Variants in DIAPH2 observed in about 807,000 individuals in gnomAD.
The protein encoded by DIAPH2 is protein diaphanous homolog 2.
DIAPH2 carries 35 observed loss-of-function variants against 92.7 expected under a neutral mutation model. The observed-to-expected ratio is 0.38, with a 90% CI of 0.29 to 0.50. The LOEUF (loss-of-function observed/expected upper bound fraction) is 0.50, where lower values mean the gene tolerates loss of function less well. Ranked by LOEUF, DIAPH2 falls within the 20% of genes least tolerant of loss-of-function variation. The probability of loss-of-function intolerance (pLI) is 0.94; values close to 1 mark genes in which losing one functional copy is unlikely to be tolerated. For missense variants in DIAPH2, 701 were observed against 819.5 expected, an observed-to-expected ratio of 0.86 and a Z score of 1.77; for synonymous variants, 301 against 280.4, an observed-to-expected ratio of 1.07 and a Z score of -0.73.
chrX:96,962,420 C>T lies in DIAPH2; in HGVS notation c.1936-2673C>T, dbSNP rs375316296. ...ATATATATACACATATATATATACA[C>T]ATATATATACATATATATATACATA... On this transcript the variant is annotated intron_variant, in intron 16 of 26. Coordinates refer to ENST00000324765, the MANE Select transcript of DIAPH2 (RefSeq NM_006729.5). Among the ~76,000 whole-genome samples, 486 of 60,065 alleles carry T rather than the reference C, an allele frequency of 8.1e-3. 26 individuals are homozygous for T. Among genetic ancestry groups the T allele is most frequent in the African/African-American group, 0.035 (439 of 12,678 alleles). The allele number at this position is 60,065 out of a possible 115,157, so 52.2% of individuals were successfully genotyped here.
Position 96,738,612 on chromosome X carries a change from A to G in DIAPH2, c.192A>G (p.Lys64=). 8.3e-7 allele frequency: 1 copy of G among 1,201,237 alleles called. No homozygotes were observed. The highest frequency in any genetic ancestry group is 1.1e-6 in the Non-Finnish European group (1 of 891,943). The change falls in exon 3 of 27, where the codon AAA becomes AAG. Residue 64 remains lysine, a synonymous_variant. Transcript: ENST00000324765. The part of the protein sequence containing the change: ...DVRDRITSFR[K]STVKKEKPLI... ...GTGACCGAATTACAAGTTTTAGAAA[A>G]TCTACTGTCAAAAAAGAAAAACCTC...
chrX:97,390,715 C>A (rs1464022036), intron 25 of DIAPH2, among the ~76,000 whole-genome samples: 1 of 110,964 alleles, frequency 9.0e-6, no homozygotes. Context: ...ATTTTCATTT[C>A]TTTCTCTCCT....
intron 17 of DIAPH2, among the ~76,000 whole-genome samples, chrX:97,060,856 T>G (rs1397057336): frequency 8.9e-6 from 1 of 112,284 alleles, no homozygotes; most frequent in Non-Finnish European, 1.9e-5. Context: ...TCCAACAATT[T>G]TTTTTTTAAG....
At chrX:96,813,419 C>G (rs1317252335) in intron 4 of DIAPH2, among the ~76,000 whole-genome samples, 1 of 109,726 alleles carries the variant, frequency 9.1e-6, no homozygotes, top group Non-Finnish European at 1.9e-5. Flanking sequence ...ATGTGTGTCT[C>G]TGCACGTGAG....
At chrX:97,413,906 C>T (rs2069909026) in intron 25 of DIAPH2, among the ~76,000 whole-genome samples, 1 of 111,360 alleles carries the variant, frequency 9.0e-6, no homozygotes, top group Admixed American at 9.6e-5. Context: ...GAAGAGGACA[C>T]AAACAAATAG....
At chrX:97,598,372 G>GTGT (rs1443019537) in intron 26 of DIAPH2, among the ~76,000 whole-genome samples, 2 of 112,066 alleles carry the variant, frequency 1.8e-5, no homozygotes, top group Non-Finnish European at 3.8e-5. Context: ...CGAGTGTAAA[G>GTGT]TGTTAGCATT....
chrX:97,533,987 G>T (rs1443938093), intron 26 of DIAPH2, among the ~76,000 whole-genome samples: 2 of 111,284 alleles, frequency 1.8e-5, no homozygotes, highest in African/African-American at 3.3e-5. Context: ...AAAATGAGCA[G>T]AAATTAAAAG....
intron 3 of DIAPH2, among the ~76,000 whole-genome samples, chrX:96,756,911 CTTTTTTTT>C (rs1172916942): frequency 1.7e-5 from 1 of 58,787 alleles, no homozygotes; most frequent in East Asian, 6.3e-4. Flanking sequence ...ATTTATATAT[CTTTTTTTT>C]TTTTTTTTTT....
intron 16 of DIAPH2, among the ~76,000 whole-genome samples, chrX:96,962,326 CATATATATAT>C (rs971251038): frequency 7.3e-5 from 3 of 41,326 alleles, no homozygotes; most frequent in South Asian, 2.9e-3. Flanking sequence ...TATATATACA[CATATATATAT>C]ACATATATAT....
At chrX:96,841,013 C>G (rs2147701721) in intron 4 of DIAPH2, among the ~76,000 whole-genome samples, 1 of 111,751 alleles carries the variant, frequency 8.9e-6, no homozygotes, top group South Asian at 3.8e-4. Context: ...TGCTATTTCT[C>G]TTATTAAATG....
At chrX:96,690,044 CTT>C (rs900857764) in intron 1 of DIAPH2, among the ~76,000 whole-genome samples, 22 of 108,599 alleles carry the variant, frequency 2.0e-4, no homozygotes, top group African/African-American at 7.0e-4. Context: ...ATACATTCCT[CTT>C]TGTCTTTTCT....
At chrX:97,172,258 T>A (rs953524463) in intron 22 of DIAPH2, among the ~76,000 whole-genome samples, 1 of 112,407 alleles carries the variant, frequency 8.9e-6, no homozygotes, top group Non-Finnish European at 1.9e-5. Context: ...ATAAACTACT[T>A]GAACCCTGTA....
intron 4 of DIAPH2, among the ~76,000 whole-genome samples, chrX:96,809,343 A>C (rs1356117229): frequency 1.3e-5 from 1 of 78,887 alleles, no homozygotes; most frequent in Non-Finnish European, 2.5e-5. Flanking sequence ...AATGTGGTTA[A>C]AAAAAAAAAA....
At chrX:96,751,647 G>GTTTTTTTTTTTTTTTTTT (rs1332024432) in intron 3 of DIAPH2, among the ~76,000 whole-genome samples, 16 of 85,006 alleles carry the variant, frequency 1.9e-4, no homozygotes, top group Admixed American at 7.0e-4. Flanking sequence ...AGACTTCAGT[G>GTTTTTTTTTTTTTTTTTT]TTTTGTTTTT....
intron 4 of DIAPH2, among the ~76,000 whole-genome samples, chrX:96,827,114 C>T (rs1485566256): frequency 1.8e-5 from 2 of 112,430 alleles, no homozygotes; most frequent in Non-Finnish European, 1.9e-5. Flanking sequence ...TGTACTTGAA[C>T]ACATTTTCTT....
chrX:96,992,131 A>G (rs1416871892), intron 17 of DIAPH2, among the ~76,000 whole-genome samples: 1 of 111,194 alleles, frequency 9.0e-6, no homozygotes, highest in Non-Finnish European at 1.9e-5. Context: ...TCATAGATGT[A>G]TACTTCACAA....
At chrX:97,362,887 A>G (rs1319570361) in intron 24 of DIAPH2, among the ~76,000 whole-genome samples, 7 of 112,584 alleles carry the variant, frequency 6.2e-5, no homozygotes, top group Admixed American at 2.8e-4. Flanking sequence ...TGTGCAATCA[A>G]TTTCTTAAGC....
intron 5 of DIAPH2, among the ~76,000 whole-genome samples, chrX:96,892,274 C>T (rs775949244): frequency 2.7e-5 from 3 of 111,901 alleles, no homozygotes; most frequent in East Asian, 2.8e-4. Flanking sequence ...AATGTGAACA[C>T]GGCTTAAAAT....
intron 26 of DIAPH2, among the ~76,000 whole-genome samples, chrX:97,514,498 C>T (rs1331166222): frequency 1.2e-4 from 14 of 112,963 alleles, no homozygotes; most frequent in Non-Finnish European, 2.2e-4. Context: ...CTGAAGCCTT[C>T]TTCTCTCAGC....
Sources: gnomAD v4.1 joint callset for allele counts (sites outside exome capture counted in the v4.1 genomes callset) on GRCh38, gnomAD v4.1.1 for gene constraint, MANE v1.5 for transcripts, NCBI Gene and HGNC (gene_info 2026-07-23, HGNC 2026-07-21) for gene names.